NR3C2: variants seen among roughly 807,000 people sequenced by gnomAD.
The protein encoded by NR3C2 is nuclear receptor subfamily 3 group C member 2, also known as mineralocorticoid receptor.
Under a neutral mutation model 86.4 loss-of-function variants are expected in NR3C2, and 15 were observed. The ratio of observed to expected loss-of-function variants is 0.17; its 90% confidence interval spans 0.12 to 0.27. NR3C2 has a LOEUF of 0.27. Among genes scored for constraint, NR3C2 ranks in the 10% least tolerant of loss-of-function variants. The pLI, the probability that NR3C2 is intolerant of heterozygous loss-of-function variation, is 1.00. For synonymous variants in NR3C2, 458 were observed against 450.5 expected, an observed-to-expected ratio of 1.02 and a Z score of -0.21; for missense variants, 960 against 1,195.6, an observed-to-expected ratio of 0.80 and a Z score of 2.91.
At chr4:148,414,212 C>T (rs554002690) in intron 2 of NR3C2, among the ~76,000 whole-genome samples, 87 of 152,242 alleles carry the variant, frequency 5.7e-4, no homozygotes, top group African/African-American at 1.9e-3. Context: ...TAAATATACG[C>T]ATACACCTAT....
intron 3 of NR3C2, among the ~76,000 whole-genome samples, chr4:148,198,317 T>C (rs1736535244): frequency 1.3e-5 from 2 of 152,224 alleles, no homozygotes; most frequent in African/African-American, 2.4e-5. Context: ...ATAAAAATTG[T>C]CTTTTACAAT....
At chr4:148,241,109 C>T (rs1025352794) in intron 3 of NR3C2, among the ~76,000 whole-genome samples, 1 of 151,774 alleles carries the variant, frequency 6.6e-6, no homozygotes, top group African/African-American at 2.4e-5. Flanking sequence ...AGTTCGAGAC[C>T]AGCCTGGCCA....
intron 2 of NR3C2, among the ~76,000 whole-genome samples, chr4:148,412,984 G>GT (rs61758273): frequency 1.3e-5 from 2 of 152,194 alleles, no homozygotes; most frequent in East Asian, 3.8e-4. Flanking sequence ...TTCAAAAGAA[G>GT]TTTAAGACAG....
intron 6 of NR3C2, among the ~76,000 whole-genome samples, chr4:148,130,672 A>G (rs1578916184): frequency 6.6e-6 from 1 of 152,194 alleles, no homozygotes; most frequent in Non-Finnish European, 1.5e-5. Context: ...AACAGATTTC[A>G]TAGACTTTCA....
intron 6 of NR3C2, among the ~76,000 whole-genome samples, chr4:148,123,908 A>G (rs957179655): frequency 6.6e-6 from 1 of 152,192 alleles, no homozygotes; most frequent in Non-Finnish European, 1.5e-5. Context: ...TTATTGAAGA[A>G]TGTATTTTAG....
At chr4:148,264,538 C>A (rs1740282634) in intron 2 of NR3C2, among the ~76,000 whole-genome samples, 1 of 152,154 alleles carries the variant, frequency 6.6e-6, no homozygotes, top group South Asian at 2.1e-4. Flanking sequence ...ATGCAGGGAT[C>A]AAAGACAGGA....
chr4:148,154,513 G>A, intron 5 of NR3C2, 38 bp downstream of exon 5: 1 of 1,598,452 alleles, frequency 6.3e-7, no homozygotes, highest in East Asian at 2.2e-5. Flanking sequence ...GACTTGTTAA[G>A]TTCAGGATGC....
intron 2 of NR3C2, among the ~76,000 whole-genome samples, chr4:148,422,407 C>T (rs1303138480): frequency 6.6e-6 from 1 of 151,698 alleles, no homozygotes; most frequent in African/African-American, 2.4e-5. Flanking sequence ...ATATAATTTC[C>T]ATTTCAAAAA....
intron 8 of NR3C2, among the ~76,000 whole-genome samples, chr4:148,105,059 A>G (rs185730256): frequency 1.3e-5 from 2 of 152,374 alleles, no homozygotes; most frequent in African/African-American, 4.8e-5. Context: ...TGAGGTTTAA[A>G]GTAGGTTTGT....
intron 2 of NR3C2, among the ~76,000 whole-genome samples, chr4:148,270,208 CT>C (rs1414117809): frequency 6.6e-6 from 1 of 151,976 alleles, no homozygotes; most frequent in Admixed American, 6.6e-5. Flanking sequence ...CTTCAAACAT[CT>C]TTTTCCCCTA....
chr4:148,289,455 A>C (rs896899020), intron 2 of NR3C2, among the ~76,000 whole-genome samples: 1 of 152,148 alleles, frequency 6.6e-6, no homozygotes, highest in African/African-American at 2.4e-5. Flanking sequence ...AATATACCTT[A>C]AGCCTCCTAC....
At chr4:148,215,319 G>A (rs1431779561) in intron 3 of NR3C2, among the ~76,000 whole-genome samples, 3 of 152,286 alleles carry the variant, frequency 2.0e-5, no homozygotes, top group Non-Finnish European at 2.9e-5. Flanking sequence ...AACTATTCTA[G>A]TTCACTAAAC....
At chr4:148,405,599 C>T (rs1748381200) in intron 2 of NR3C2, among the ~76,000 whole-genome samples, 1 of 152,208 alleles carries the variant, frequency 6.6e-6, no homozygotes, top group Admixed American at 6.5e-5. Flanking sequence ...TAAGAACTGG[C>T]CTATTTCCAG....
chr4:148,400,589 G>A (rs1404238258), intron 2 of NR3C2, among the ~76,000 whole-genome samples: 3 of 151,938 alleles, frequency 2.0e-5, no homozygotes, highest in Non-Finnish European at 2.9e-5. Flanking sequence ...GACCAGCCTA[G>A]CCAACACAGT....
chr4:148,141,004 T>A (rs1429408184), intron 6 of NR3C2, among the ~76,000 whole-genome samples: 1 of 152,232 alleles, frequency 6.6e-6, no homozygotes, highest in African/African-American at 2.4e-5. Context: ...CAAAACTGAA[T>A]CTTTTTCATT....
At chr4:148,441,581 A>C (rs1207740221) in intron 1 of NR3C2, among the ~76,000 whole-genome samples, 5 of 152,238 alleles carry the variant, frequency 3.3e-5, no homozygotes, top group Non-Finnish European at 5.9e-5. Context: ...ATTCAGTAGC[A>C]GAGTAAGGAT....
At chr4:148,249,318 C>A (rs531342597) in intron 3 of NR3C2, among the ~76,000 whole-genome samples, 2 of 151,886 alleles carry the variant, frequency 1.3e-5, no homozygotes, top group Non-Finnish European at 2.9e-5. Context: ...AAAAAAAATT[C>A]TATAGTTTTG....
At chr4:148,380,866 CA>C (rs1746941354) in intron 2 of NR3C2, among the ~76,000 whole-genome samples, 1 of 151,850 alleles carries the variant, frequency 6.6e-6, no homozygotes, top group African/African-American at 2.4e-5. Flanking sequence ...ATTTTGTGAC[CA>C]AAAAACCATA....
intron 1 of NR3C2, among the ~76,000 whole-genome samples, chr4:148,439,563 C>A (rs1161670796): frequency 6.6e-6 from 1 of 151,996 alleles, no homozygotes; most frequent in Non-Finnish European, 1.5e-5. Flanking sequence ...TGTCCCGTGT[C>A]TGAAGGGGAC....
Sources: gnomAD v4.1 joint callset for allele counts (sites outside exome capture counted in the v4.1 genomes callset) on GRCh38, gnomAD v4.1.1 for gene constraint, MANE v1.5 for transcripts, NCBI Gene and HGNC (gene_info 2026-07-23, HGNC 2026-07-21) for gene names.